MBD5: variants seen among roughly 807,000 people sequenced by gnomAD.
The protein encoded by MBD5 is methyl-CpG-binding domain protein 5.
A neutral mutation model predicts 117.3 loss-of-function variants in MBD5; 13 were observed. That is an observed-to-expected ratio of 0.11 (90% CI 0.07 to 0.18). The LOEUF is 0.18. Ranked by LOEUF, MBD5 falls within the 10% of genes least tolerant of loss-of-function variation. MBD5 has a pLI of 1.00. For synonymous variants in MBD5, 727 were observed against 766.4 expected (o/e 0.95, Z 0.85); for missense variants, 1,879 against 2,093.8 (o/e 0.90, Z 2.00).
At chr2:148,381,779 C>T (rs1704151265) in intron 4 of MBD5, among the ~76,000 whole-genome samples, 1 of 152,162 alleles carries the variant, frequency 6.6e-6, no homozygotes, top group Non-Finnish European at 1.5e-5. Context: ...ACTCTACAAG[C>T]CAGAAGAGAG....
chr2:148,510,692 G>A (rs942978490), intron 13 of MBD5, among the ~76,000 whole-genome samples: 4 of 152,168 alleles, frequency 2.6e-5, no homozygotes, highest in Admixed American at 1.3e-4. Flanking sequence ...AGGCTATTTA[G>A]CATGAAAAAT....
intron 1 of MBD5, among the ~76,000 whole-genome samples, chr2:148,127,932 A>T (rs1696942313): frequency 6.6e-6 from 1 of 152,140 alleles, no homozygotes; most frequent in Non-Finnish European, 1.5e-5. Context: ...CATTTTGACT[A>T]GTGTGAGATG....
Position 148,284,235 on chromosome 2 carries a change from G to A in MBD5, c.-680+50840G>A, listed in dbSNP as rs1217022729. Among the ~76,000 whole-genome samples the A allele has an allele frequency of 4.6e-5, 7 of 152,002 alleles. No homozygotes were observed. The East Asian group carries it at 1.4e-3, about 29-fold the overall frequency. Reference sequence around the variant, plus strand: ...GTATATGCCATTGCTTATTTAACCAGCCCCTAATAAAGGAACACTTTTTTT... The same window carrying A: ...GTATATGCCATTGCTTATTTAACCAACCCCTAATAAAGGAACACTTTTTTT... On this transcript the variant is annotated intron_variant, in intron 3 of 13. Transcript: ENST00000642680.
At position 148,131,063 on chromosome 2, in the gene MBD5, T is replaced by C. The variant is rs1697034155; in HGVS notation, c.-924-47637T>C. On this transcript the variant is annotated intron_variant, in intron 1 of 13. Coordinates refer to ENST00000642680, the MANE Select transcript of MBD5 (RefSeq NM_001378120.1). ...TACAGGTTATTCAAAGGGACTTACTTGTTGCTGTTTTTATAAAGGGGAGTT... is the reference window on the plus strand; with the variant it reads ...TACAGGTTATTCAAAGGGACTTACTCGTTGCTGTTTTTATAAAGGGGAGTT... 2.6e-5 allele frequency among the ~76,000 whole-genome samples: 4 copies of C among 152,150 alleles called. No individual in the cohort carries two copies. The South Asian group carries it at 8.3e-4, about 32-fold the overall frequency.
chr2:148,261,472 G>A (rs187595919), intron 3 of MBD5, among the ~76,000 whole-genome samples: 6 of 152,222 alleles, frequency 3.9e-5, no homozygotes, highest in Admixed American at 2.0e-4. Context: ...ACCACCTTGC[G>A]TTACTAGGGT....
At chr2:148,304,269 G>T (rs1701839575) in intron 3 of MBD5, among the ~76,000 whole-genome samples, 2 of 152,096 alleles carry the variant, frequency 1.3e-5, no homozygotes, top group Non-Finnish European at 2.9e-5. Flanking sequence ...TTAACATCAA[G>T]AAATAGGTGA....
In MBD5 at chr2:148,211,692, A is replaced by G. The variant is rs984162582; in HGVS notation, c.-830-21553A>G. On this transcript the variant is annotated intron_variant, in intron 2 of 13. Transcript: ENST00000642680. Reference sequence around the variant, plus strand: ...AACAAGTACATCCCTACAATAACTCATCTTGATGGCTTATTTTAAATACTT... The same window carrying G: ...AACAAGTACATCCCTACAATAACTCGTCTTGATGGCTTATTTTAAATACTT... Among the ~76,000 whole-genome samples the G allele has an allele frequency of 2.0e-5, 3 of 152,112 alleles. No homozygotes were observed. The East Asian group carries it at 5.8e-4, about 29-fold the overall frequency.
intron 1 of MBD5, chr2:148,028,427 AG>A (rs1250236087): frequency 6.6e-6 from 1 of 152,098 alleles, no homozygotes; most frequent in Non-Finnish European, 1.5e-5. Flanking sequence ...CTCAGAAGTT[AG>A]AAGTAATCCC....
chr2:148,126,429 G>A (rs1696898796), intron 1 of MBD5, among the ~76,000 whole-genome samples: 1 of 149,792 alleles, frequency 6.7e-6, no homozygotes, highest in Admixed American at 6.7e-5. Context: ...AAAAAAAGTA[G>A]GTGTCTTTAC....
intron 5 of MBD5, among the ~76,000 whole-genome samples, chr2:148,461,423 A>C (rs1707076961): frequency 6.6e-6 from 1 of 152,236 alleles, no homozygotes; most frequent in Non-Finnish European, 1.5e-5. Context: ...TACTTTCATA[A>C]GTGTCCATAA....
chr2:148,040,495 A>G (rs1694324725), intron 1 of MBD5, among the ~76,000 whole-genome samples: 1 of 152,232 alleles, frequency 6.6e-6, no homozygotes, highest in Non-Finnish European at 1.5e-5. Flanking sequence ...ATCTAATTAA[A>G]TAAAACTAAG....
rs761709621 is a variant in MBD5 at position 148,294,501 on chromosome 2, G to GTTTTTTTTTTTTTGT, written c.-679-47700_-679-47699insGTTTTTTTTTTTTTT. Among the ~76,000 whole-genome samples the GTTTTTTTTTTTTTGT allele has an allele frequency of 2.0e-4, 23 of 113,256 alleles. 1 individual carries two copies. The highest frequency in any genetic ancestry group is 6.8e-4 in the East Asian group (3 of 4,412). The allele number at this position is 113,256 out of a possible 152,430, so 74.3% of individuals were successfully genotyped here. On this transcript the variant is annotated intron_variant, in intron 3 of 13. Transcript: ENST00000642680. Reference sequence around the variant, plus strand: ...GGCCTCCCAAAGTGCTGGGATTACAGTTTTTTTTTTTTTTTTTTTTGAGAT... The same window carrying GTTTTTTTTTTTTTGT: ...GGCCTCCCAAAGTGCTGGGATTACAGTTTTTTTTTTTTTGTTTTTTTTTTTTTTTTTTTTTGAGAT...
chr2:148,406,776 G>A (rs1294020144), intron 4 of MBD5, among the ~76,000 whole-genome samples: 5 of 151,906 alleles, frequency 3.3e-5, no homozygotes, highest in South Asian at 2.1e-4. Context: ...GTAGTTTTTC[G>A]CATCCTGTTT....
At position 148,230,702 on chromosome 2, in the gene MBD5, A is replaced by G. The variant is rs559583877; in HGVS notation, c.-830-2543A>G. Among the ~76,000 whole-genome samples the G allele has an allele frequency of 1.4e-3, 214 of 151,566 alleles. 1 individual carries two copies. Among genetic ancestry groups the G allele is most frequent in the African/African-American group, 4.8e-3 (197 of 41,324 alleles). ...CTCAGAGTCTCACCCAAGGCCCTCA[A>G]TGTAGTACCTGGGTATTACTGCTGG... is the stretch of plus-strand genomic sequence containing the variant. On this transcript the variant is annotated intron_variant, in intron 2 of 13. Transcript: ENST00000642680.
At chr2:148,488,263 T>G (rs1222998785) in intron 10 of MBD5, among the ~76,000 whole-genome samples, 2 of 152,214 alleles carry the variant, frequency 1.3e-5, no homozygotes, top group African/African-American at 4.8e-5. Flanking sequence ...TTACGTAAGA[T>G]CATCTACTAA....
chr2:148,400,321 A>C (rs1356235154), intron 4 of MBD5, among the ~76,000 whole-genome samples: 1 of 152,180 alleles, frequency 6.6e-6, no homozygotes, highest in African/African-American at 2.4e-5. Flanking sequence ...AAGCAGGGTT[A>C]GCACCTAAGA....
chr2:148,317,859 A>C (rs1040013244), intron 3 of MBD5, among the ~76,000 whole-genome samples: 1 of 152,186 alleles, frequency 6.6e-6, no homozygotes, highest in Admixed American at 6.5e-5. Context: ...CAGTCCTCTG[A>C]TGATGGACAC....
At chr2:148,267,587 C>G (rs1315370804) in intron 3 of MBD5, among the ~76,000 whole-genome samples, 2 of 152,146 alleles carry the variant, frequency 1.3e-5, no homozygotes, top group Non-Finnish European at 2.9e-5. Context: ...CCCCTTGCCT[C>G]CCTCTCCAGA....
chr2:148,371,376 G>C (rs1028931247), intron 4 of MBD5, among the ~76,000 whole-genome samples: 3 of 151,944 alleles, frequency 2.0e-5, no homozygotes, highest in African/African-American at 7.2e-5. Context: ...TTTAGCAAGA[G>C]AATAACTGTC....
Sources: gnomAD v4.1 joint callset for allele counts (sites outside exome capture counted in the v4.1 genomes callset) on GRCh38, gnomAD v4.1.1 for gene constraint, MANE v1.5 for transcripts, NCBI Gene and HGNC (gene_info 2026-07-23, HGNC 2026-07-21) for gene names.